CAMKK2: variants seen among roughly 807,000 people sequenced by gnomAD.
The protein encoded by CAMKK2 is calcium/calmodulin dependent protein kinase kinase 2.
Under a neutral mutation model 67.2 loss-of-function variants are expected in CAMKK2, and 30 were observed. That is an observed-to-expected ratio of 0.45 (90% CI 0.33 to 0.61). The LOEUF is 0.61. CAMKK2 is among the 20% of genes least tolerant of loss of function. CAMKK2 has a pLI of 0.02. For synonymous variants in CAMKK2, 322 were observed against 326.2 expected (o/e 0.99, Z 0.14); for missense variants, 643 against 802.0 (o/e 0.80, Z 2.39).
chr12:121,255,495 C>A, intron 9 of CAMKK2, 55 bp downstream of exon 9: 1 of 1,452,600 alleles, frequency 6.9e-7, no homozygotes, highest in South Asian at 1.2e-5. Flanking sequence ...TTTGCACCCA[C>A]GCTCAGAATG....
Position 121,285,362 on chromosome 12 carries a change from G to C in CAMKK2, c.-59-10777C>G, listed in dbSNP as rs955607600. Among the ~76,000 whole-genome samples, 1 of 152,188 alleles carries C rather than the reference G, an allele frequency of 6.6e-6. No individual in the cohort carries two copies. The highest frequency in any genetic ancestry group is 2.4e-5 in the African/African-American group (1 of 41,444). ...TACTATAAATACAGAAATTAGCCAG[G>C]TATGGTGGCGCATGCCTGTTATCCC... is the stretch of plus-strand genomic sequence containing the variant. On this transcript the variant is annotated intron_variant, in intron 1 of 16. Coordinates refer to ENST00000404169, the MANE Select transcript of CAMKK2 (RefSeq NM_001270485.2). The surrounding 1 kb of genome is among the most constrained non-coding windows in gnomAD (Gnocchi z 4.1).
chr12:121,270,372 A>AAC (rs1223427239), intron 3 of CAMKK2, among the ~76,000 whole-genome samples: 4 of 151,972 alleles, frequency 2.6e-5, no homozygotes, highest in Admixed American at 1.3e-4. Flanking sequence ...CCTGTCTAAA[A>AAC]AAAAAAAAAA....
chr12:121,244,001 T>C, intron 16 of CAMKK2: 1 of 1,537,534 alleles, frequency 6.5e-7, no homozygotes, highest in South Asian at 1.2e-5. Context: ...TCCTGGGAGG[T>C]TCTGGTCACC....
At chr12:121,283,096 C>T (rs1324066624) in intron 1 of CAMKK2, among the ~76,000 whole-genome samples, 1 of 152,196 alleles carries the variant, frequency 6.6e-6, no homozygotes, top group African/African-American at 2.4e-5. Flanking sequence ...GAGACTTGGT[C>T]ACGGCTTCTC....
intron 4 of CAMKK2, 85 bp downstream of exon 4, chr12:121,269,443 G>T: frequency 9.1e-7 from 1 of 1,102,960 alleles, no homozygotes; most frequent in South Asian, 1.3e-5. Context: ...CAACAGCTAG[G>T]AAAACTTTCC....
Position 121,240,488 on chromosome 12 carries a change from A to G in CAMKK2, c.*211T>C. 1 of 1,535,366 alleles carries G rather than the reference A, an allele frequency of 6.5e-7. No individual in the cohort carries two copies. Among genetic ancestry groups the G allele is most frequent in the Non-Finnish European group, 8.7e-7 (1 of 1,146,828 alleles). ...ACTCCTCACACCCGCCTGTCCAGCC[A>G]GCCAGCGGCCACGGTCGACGTCATG... On this transcript the variant is annotated 3_prime_UTR_variant, in exon 17 of 17. Transcript: ENST00000404169. This position sits in a 1 kb window ranked among gnomAD's most constrained non-coding sequence, Gnocchi z 4.4.
intron 11 of CAMKK2, among the ~76,000 whole-genome samples, chr12:121,250,521 T>C (rs1478461516): frequency 6.6e-6 from 1 of 152,198 alleles, no homozygotes; most frequent in Non-Finnish European, 1.5e-5. Flanking sequence ...CTACGTGGCT[T>C]GGTCTCTCCC....
intron 3 of CAMKK2, 65 bp downstream of exon 3, chr12:121,270,832 TC>T: frequency 7.7e-7 from 1 of 1,292,384 alleles, no homozygotes; most frequent in Admixed American, 1.7e-5. Context: ...TTTACCCCGT[TC>T]CCTCCACAGT....
Position 121,240,995 on chromosome 12 carries a change from A to G in CAMKK2, c.1597-126T>C. The G allele has an allele frequency of 1.1e-6, 1 of 885,484 alleles. No homozygotes were observed. Among genetic ancestry groups the G allele is most frequent in the Non-Finnish European group, 1.7e-6 (1 of 576,388 alleles). 54.9% of individuals were successfully genotyped at this position (885,484 alleles called of 1,614,324 possible). A position where few individuals can be genotyped will look rare whatever the true frequency, so the allele number is the denominator to read the frequency against. On this transcript the variant is annotated intron_variant, in intron 16 of 16. Coordinates refer to ENST00000404169, the MANE Select transcript of CAMKK2 (RefSeq NM_001270485.2). The surrounding 1 kb of genome is among the most constrained non-coding windows in gnomAD (Gnocchi z 4.4). ...TCGCGCACCCCCTGGAACGTGATCT[A>G]CGTAACCCAGTCTTTGAGATCCTCT...
intron 4 of CAMKK2, among the ~76,000 whole-genome samples, chr12:121,269,167 G>A (rs914072861): frequency 6.6e-6 from 1 of 152,060 alleles, no homozygotes; most frequent in African/African-American, 2.4e-5. Flanking sequence ...AGGTCACATG[G>A]TTGGCACACG....
intron 16 of CAMKK2, chr12:121,243,692 T>A (rs1888835408): frequency 4.4e-6 from 1 of 228,080 alleles, no homozygotes; most frequent in Non-Finnish European, 8.1e-6. Flanking sequence ...CTAAGGAGTG[T>A]AGGGTGTCTT....
chr12:121,262,532 C>T (rs1893667446), intron 6 of CAMKK2, among the ~76,000 whole-genome samples: 1 of 151,710 alleles, frequency 6.6e-6, no homozygotes, highest in Non-Finnish European at 1.5e-5. Context: ...AAATGTATTA[C>T]TCATGTTAAT....
Position 121,240,537 on chromosome 12 carries a change from T to G in CAMKK2, c.*162A>C, listed in dbSNP as rs2136114099. The G allele has an allele frequency of 6.5e-7, 1 of 1,534,064 alleles. No individual in the cohort carries two copies. Among genetic ancestry groups the G allele is most frequent in the Non-Finnish European group, 8.7e-7 (1 of 1,146,196 alleles). On this transcript the variant is annotated 3_prime_UTR_variant, in exon 17 of 17. Coordinates refer to ENST00000404169, the MANE Select transcript of CAMKK2 (RefSeq NM_001270485.2). The surrounding 1 kb of genome is among the most constrained non-coding windows in gnomAD (Gnocchi z 4.4). ...TGGAGTCAAGTCCTTTTTTTTTTTT[T>G]GTCCCCTTTAAAACAACAAAGGAAA...
chr12:121,241,362 A>C (rs1042893869), intron 16 of CAMKK2, among the ~76,000 whole-genome samples: 2 of 152,104 alleles, frequency 1.3e-5, no homozygotes, highest in Non-Finnish European at 2.9e-5. Flanking sequence ...GCTGGCCCTC[A>C]AGAAAGGGCA....
At chr12:121,249,140 A>G (rs1890116655) in intron 13 of CAMKK2, among the ~76,000 whole-genome samples, 1 of 152,228 alleles carries the variant, frequency 6.6e-6, no homozygotes, top group Admixed American at 6.5e-5. Context: ...TGGTGGGACC[A>G]GCTGGCAGGA....
intron 5 of CAMKK2, among the ~76,000 whole-genome samples, chr12:121,264,547 G>A (rs1307557334): frequency 6.6e-6 from 1 of 152,036 alleles, no homozygotes; most frequent in Non-Finnish European, 1.5e-5. Context: ...GGCCGAGACG[G>A]GTGGATCACA....
intron 11 of CAMKK2, 30 bp downstream of exon 11, chr12:121,252,631 A>G (rs1435173869): frequency 2.5e-6 from 4 of 1,608,728 alleles, no homozygotes; most frequent in Non-Finnish European, 2.6e-6. Flanking sequence ...ACCCAGCAGT[A>G]CTGAGGGGAC....
chr12:121,270,960 G>C lies in CAMKK2; in HGVS notation c.472-15C>G. 2 of 1,611,172 alleles carry C rather than the reference G, an allele frequency of 1.2e-6. No homozygotes were observed. Among genetic ancestry groups the C allele is most frequent in the South Asian group, 2.2e-5 (2 of 90,988 alleles). ...TGCACACAGTCCTAGAGAGTAAGGA[G>C]AGACACGTGCAAAATGAATTTTAAG... On this transcript the variant is annotated splice_polypyrimidine_tract_variant and intron_variant, in intron 2 of 16. Coordinates refer to ENST00000404169, the MANE Select transcript of CAMKK2 (RefSeq NM_001270485.2).
At chr12:121,259,366 T>A (rs1026255069) in intron 7 of CAMKK2, among the ~76,000 whole-genome samples, 3 of 151,628 alleles carry the variant, frequency 2.0e-5, no homozygotes, top group Non-Finnish European at 4.4e-5. Context: ...AGGACAGGGG[T>A]TTTTGAATGT....
Sources: allele counts gnomAD v4.1 joint callset (sites outside exome capture counted in the v4.1 genomes callset), GRCh38; gene constraint gnomAD v4.1.1; non-coding constraint Gnocchi (gnomAD v3.1); transcripts MANE v1.5; gene names NCBI Gene and HGNC (gene_info 2026-07-23, HGNC 2026-07-21).